RANBP17: variants seen among roughly 807,000 people sequenced by gnomAD.
RANBP17 encodes RAN binding protein 17.
In RANBP17, 158 loss-of-function variants were observed where a neutral mutation model predicts 141.2. That is an observed-to-expected ratio of 1.12 (90% CI 0.98 to 1.28). RANBP17 has a LOEUF of 1.28. Ranked by LOEUF, RANBP17 falls within the 50% of genes most tolerant of loss-of-function variation. The pLI is 0.00. For synonymous variants in RANBP17, 430 were observed against 450.0 expected (o/e 0.96, Z 0.56); for missense variants, 1,438 against 1,290.7 (o/e 1.11, Z -1.75).
At chr5:170,898,872 A>G (rs1322095102) in intron 5 of RANBP17, among the ~76,000 whole-genome samples, 1 of 152,182 alleles carries the variant, frequency 6.6e-6, no homozygotes, top group South Asian at 2.1e-4. Flanking sequence ...CTGTTCCATT[A>G]GTCTATACAT....
At chr5:171,224,951 A>T (rs1291189370) in intron 22 of RANBP17, among the ~76,000 whole-genome samples, 1 of 152,210 alleles carries the variant, frequency 6.6e-6, no homozygotes, top group Admixed American at 6.5e-5. Context: ...CTCTTGCTTC[A>T]GTTTCTTGTT....
chr5:171,279,783 G>A (rs1415989370), intron 25 of RANBP17, among the ~76,000 whole-genome samples: 1 of 152,002 alleles, frequency 6.6e-6, no homozygotes, highest in Non-Finnish European at 1.5e-5. Flanking sequence ...AGAGACCTAT[G>A]CAGAGATTCA....
intron 24 of RANBP17, among the ~76,000 whole-genome samples, chr5:171,248,625 C>T (rs1765372598): frequency 6.6e-6 from 1 of 152,202 alleles, no homozygotes; most frequent in African/African-American, 2.4e-5. Flanking sequence ...GGCATTGCAC[C>T]AGCCAGGGAA....
chr5:171,271,577 AT>A, intron 25 of RANBP17: 1 of 209,764 alleles, frequency 4.8e-6, no homozygotes, highest in Non-Finnish European at 9.7e-6. Flanking sequence ...TAATAAAGAC[AT>A]TTCCAGTGAT....
chr5:171,157,039 A>G (rs762897024), intron 14 of RANBP17, among the ~76,000 whole-genome samples: 1 of 152,158 alleles, frequency 6.6e-6, no homozygotes, highest in Non-Finnish European at 1.5e-5. Flanking sequence ...ACTGTAAGGC[A>G]TTTAGCAATT....
In RANBP17 at chr5:171,282,559, G is replaced by A. The variant is rs1767921888; in HGVS notation, c.2944-11324G>A. Among the ~76,000 whole-genome samples, 4 of 152,014 alleles carry A rather than the reference G, an allele frequency of 2.6e-5. No homozygotes were observed. In the South Asian group the frequency reaches 8.3e-4, roughly 32 times the overall value. On this transcript the variant is annotated intron_variant, in intron 25 of 27. Transcript: ENST00000523189. ...AGTCACATGATCTCAGCTCACTGCA[G>A]CCTCTGCCTCCCTGGTTCAAGCAAT... is the stretch of plus-strand genomic sequence containing the variant.
chr5:171,274,935 A>G (rs1767395485), intron 25 of RANBP17, among the ~76,000 whole-genome samples: 1 of 152,222 alleles, frequency 6.6e-6, no homozygotes, highest in East Asian at 1.9e-4. Context: ...AAGTACTTCA[A>G]ATATTGTTCC....
At chr5:171,249,263 ACTT>A (rs1447026455) in intron 24 of RANBP17, among the ~76,000 whole-genome samples, 1 of 152,200 alleles carries the variant, frequency 6.6e-6, no homozygotes, top group Non-Finnish European at 1.5e-5. Flanking sequence ...TACCACAGAT[ACTT>A]CTTCAGGAAA....
intron 25 of RANBP17, among the ~76,000 whole-genome samples, chr5:171,282,936 G>A (rs551213747): frequency 2.0e-5 from 3 of 152,026 alleles, no homozygotes; most frequent in East Asian, 1.9e-4. Flanking sequence ...CAAGATCTGC[G>A]CCCAACCTAT....
intron 14 of RANBP17, among the ~76,000 whole-genome samples, chr5:171,088,726 C>G (rs1024430395): frequency 2.0e-5 from 3 of 152,114 alleles, no homozygotes; most frequent in African/African-American, 7.2e-5. Context: ...TCTTCCATCA[C>G]TGATACCCTT....
chr5:171,265,594 G>C (rs1193725818), intron 24 of RANBP17, 87 bp from the exon 25 acceptor site: 10 of 1,223,980 alleles, frequency 8.2e-6, no homozygotes, highest in Non-Finnish European at 1.1e-5. Context: ...AAACCAGAAA[G>C]TAATTATTTT....
chr5:170,955,885 G>A (rs1163579107), intron 13 of RANBP17, among the ~76,000 whole-genome samples: 1 of 148,556 alleles, frequency 6.7e-6, no homozygotes, highest in Non-Finnish European at 1.5e-5. Flanking sequence ...TGTTTTCTCT[G>A]TATTTTTACT....
chr5:170,905,810 C>T (rs1467268676), intron 5 of RANBP17, among the ~76,000 whole-genome samples: 1 of 152,068 alleles, frequency 6.6e-6, no homozygotes, highest in Admixed American at 6.6e-5. Context: ...AATTTTGAAA[C>T]TAGCAGTTTG....
At chr5:171,252,797 T>C in intron 24 of RANBP17, 1 of 1,223,550 alleles carries the variant, frequency 8.2e-7, no homozygotes. Flanking sequence ...TGCAGCCTCA[T>C]TGTCAGCATT....
intron 14 of RANBP17, among the ~76,000 whole-genome samples, chr5:171,092,067 A>C (rs1456071168): frequency 6.6e-6 from 1 of 152,174 alleles, no homozygotes; most frequent in African/African-American, 2.4e-5. Flanking sequence ...TTATGTTTAA[A>C]TATTTTATTT....
intron 24 of RANBP17, among the ~76,000 whole-genome samples, chr5:171,259,313 T>G (rs575241144): frequency 6.6e-6 from 1 of 152,300 alleles, no homozygotes; most frequent in Admixed American, 6.5e-5. Context: ...GTATGGAGAT[T>G]TCTCAAAAAA....
At chr5:171,182,784 T>G in intron 16 of RANBP17, among the ~76,000 whole-genome samples, 1 of 14,130 alleles carries the variant, frequency 7.1e-5, no homozygotes, top group South Asian at 4.0e-3. Flanking sequence ...TGATAGCCTA[T>G]TATGGGTCTT....
intron 14 of RANBP17, among the ~76,000 whole-genome samples, chr5:171,055,188 G>T (rs1420815432): frequency 6.6e-6 from 1 of 152,256 alleles, no homozygotes; most frequent in Non-Finnish European, 1.5e-5. Context: ...GCTGATTCCT[G>T]TTTGTCCAGA....
At chr5:170,892,836 GT>G (rs1172630720) in intron 4 of RANBP17, among the ~76,000 whole-genome samples, 1 of 152,056 alleles carries the variant, frequency 6.6e-6, no homozygotes, top group African/African-American at 2.4e-5. Flanking sequence ...TATAAAACAT[GT>G]ATATAATGCT....
Sources: gnomAD v4.1 joint callset for allele counts (sites outside exome capture counted in the v4.1 genomes callset) on GRCh38, gnomAD v4.1.1 for gene constraint, MANE v1.5 for transcripts, NCBI Gene and HGNC (gene_info 2026-07-23, HGNC 2026-07-21) for gene names.